The following SASH1 variants were observed in gnomAD, a reference collection of about 807,000 sequenced individuals.
SASH1 encodes the protein SAM and SH3 domain containing 1.
Under a neutral mutation model 125.2 loss-of-function variants are expected in SASH1, and 44 were observed. The observed-to-expected ratio is 0.35, with a 90% confidence interval of 0.28 to 0.45. The LOEUF (loss-of-function observed/expected upper bound fraction) is 0.45. SASH1 is among the 20% of genes least tolerant of loss of function. The probability of loss-of-function intolerance (pLI) is 1.00; values close to 1 mark genes in which losing one functional copy is unlikely to be tolerated. For synonymous variants in SASH1, 639 were observed against 649.1 expected, an observed-to-expected ratio of 0.98 and a Z score of 0.24; for missense variants, 1,426 against 1,614.5, an observed-to-expected ratio of 0.88 and a Z score of 2.00.
At chr6:148,525,485 C>A (rs1479985299) in intron 11 of SASH1, 120 bp downstream of exon 11, 4 of 827,962 alleles carry the variant, frequency 4.8e-6, no homozygotes, top group Non-Finnish European at 8.0e-6. Context: ...AATCCTGAGT[C>A]ACGTTTGGAA....
chr6:148,304,184 A>T (rs1780055394), intron 1 of SASH1, among the ~76,000 whole-genome samples: 1 of 152,176 alleles, frequency 6.6e-6, no homozygotes, highest in Admixed American at 6.5e-5. Flanking sequence ...CACGCCTGTA[A>T]TCCCAGCACT....
intron 2 of SASH1, among the ~76,000 whole-genome samples, chr6:148,422,565 T>G (rs1775613919): frequency 6.6e-6 from 1 of 152,244 alleles, no homozygotes; most frequent in Non-Finnish European, 1.5e-5. Context: ...TTTGCTGTAG[T>G]AACCATTACA....
chr6:148,501,585 C>T (rs932090693), intron 8 of SASH1, among the ~76,000 whole-genome samples: 1 of 152,188 alleles, frequency 6.6e-6, no homozygotes, highest in Non-Finnish European at 1.5e-5. Context: ...GATTACCTTC[C>T]CAACACTTTG....
In SASH1 at chr6:148,387,668, CTT is replaced by C. The variant is rs1783518323; in HGVS notation, c.157-2464_157-2463del. 9.6e-5 allele frequency among the ~76,000 whole-genome samples: 7 copies of C among 72,924 alleles called. No individual in the cohort carries two copies. The East Asian group carries it at 1.8e-3, about 18-fold the overall frequency. 47.8% of individuals were successfully genotyped at this position (72,924 alleles called of 152,430 possible). On this transcript the variant is annotated intron_variant, in intron 1 of 19. Coordinates refer to ENST00000367467, the MANE Select transcript of SASH1 (RefSeq NM_015278.5). ...TCTTTCTTTCTTTCTTTCTTTCTTTCTTTCTTTCTTTCTTTCTTTCTTTCGGC... is the reference window on the plus strand; with the variant it reads ...TCTTTCTTTCTTTCTTTCTTTCTTTCTCTTTCTTTCTTTCTTTCTTTCGGC...
chr6:148,244,908 G>A, the SASH1 span, among the ~76,000 whole-genome samples: 1 of 137,572 alleles, frequency 7.3e-6, no homozygotes, highest in Admixed American at 7.4e-5. Flanking sequence ...TGGGGCATGT[G>A]TGTGTGTGTG....
intron 7 of SASH1, among the ~76,000 whole-genome samples, chr6:148,487,246 G>T (rs1440140110): frequency 6.6e-6 from 1 of 151,278 alleles, no homozygotes; most frequent in African/African-American, 2.4e-5. Context: ...TAATTCAGAG[G>T]CCAAATTACA....
intron 1 of SASH1, among the ~76,000 whole-genome samples, chr6:148,352,233 C>T (rs148903521): frequency 6.6e-6 from 1 of 152,284 alleles, no homozygotes; most frequent in African/African-American, 2.4e-5. Context: ...TTCTGTACCT[C>T]AGTTTCCTTA....
intron 1 of SASH1, among the ~76,000 whole-genome samples, chr6:148,349,078 T>TC (rs1321637018): frequency 1.3e-5 from 2 of 151,838 alleles, no homozygotes. Flanking sequence ...GGTGGGCCCT[T>TC]CCCCACAGAG....
chr6:148,257,884 C>A, the SASH1 span, among the ~76,000 whole-genome samples: 1 of 152,272 alleles, frequency 6.6e-6, no homozygotes, highest in African/African-American at 2.4e-5. Context: ...CCACCTTGGC[C>A]TCCCAAAGTG....
chr6:148,543,681 C>T lies in SASH1; in HGVS notation c.2211C>T (p.Gly737=), dbSNP rs1785824387. The T allele has an allele frequency of 6.5e-7, 1 of 1,527,068 alleles. No homozygotes were observed. Among genetic ancestry groups the T allele is most frequent in the Non-Finnish European group, 8.8e-7 (1 of 1,138,358 alleles). The allele number at this position is 1,527,068 out of a possible 1,614,324, so 94.6% of individuals were successfully genotyped here. A position where few individuals can be genotyped will look rare whatever the true frequency, so the allele number is the denominator to read the frequency against. ...GTAAAATATTCCCTTGTCTCACAGG[C>T]AAGACTCGGAAAGCTAGCCTCCTAT... The part of the protein sequence containing the change: ...CYESSENLEN[G]KTRKASLLSA... The change falls in exon 18 of 20, where the codon GGC becomes GGT. Residue 737 remains glycine (G), a splice_region_variant and synonymous_variant. Transcript: ENST00000367467.
chr6:148,491,312 C>G (rs1779098210), intron 8 of SASH1, among the ~76,000 whole-genome samples: 1 of 152,188 alleles, frequency 6.6e-6, no homozygotes, highest in Non-Finnish European at 1.5e-5. Context: ...CTCCGTCGCT[C>G]AGGCTGGAGT....
the SASH1 span, among the ~76,000 whole-genome samples, chr6:148,266,767 A>AT: frequency 1.2e-4 from 18 of 148,404 alleles, no homozygotes; most frequent in Admixed American, 2.0e-4. Context: ...TGCCCAGCCA[A>AT]TTTTTTTTTA....
intron 2 of SASH1, among the ~76,000 whole-genome samples, chr6:148,425,943 G>A (rs969912392): frequency 5.3e-5 from 8 of 151,900 alleles, no homozygotes; most frequent in Admixed American, 1.3e-4. Context: ...GCGTGGTGGC[G>A]CATACCTGTA....
chr6:148,485,680 C>T (rs1778808144), intron 7 of SASH1, among the ~76,000 whole-genome samples: 2 of 152,162 alleles, frequency 1.3e-5, no homozygotes, highest in African/African-American at 4.8e-5. Context: ...ATAATCAATA[C>T]TGCCTACCTC....
At chr6:148,419,180 A>T (rs750185900) in intron 2 of SASH1, among the ~76,000 whole-genome samples, 5 of 152,250 alleles carry the variant, frequency 3.3e-5, no homozygotes, top group Non-Finnish European at 7.3e-5. Context: ...AAAATTTGGA[A>T]TATTCAAAGA....
chr6:148,302,820 GTATA>G (rs71031062), intron 1 of SASH1, among the ~76,000 whole-genome samples: 4,812 of 143,882 alleles, frequency 0.033, 252 homozygotes, highest in East Asian at 0.18. Flanking sequence ...GACCTCAGGA[GTATA>G]TATATATATA....
At chr6:148,319,227 G>T (rs1355738468) in intron 1 of SASH1, among the ~76,000 whole-genome samples, 1 of 150,918 alleles carries the variant, frequency 6.6e-6, no homozygotes, top group Non-Finnish European at 1.5e-5. Context: ...GTGGAGACGG[G>T]GTTTCACCGT....
At chr6:148,302,762 CTGTGTGTGTGTATATATATA>C (rs1380486955) in intron 1 of SASH1, among the ~76,000 whole-genome samples, 1 of 136,546 alleles carries the variant, frequency 7.3e-6, no homozygotes, top group Non-Finnish European at 1.6e-5. Flanking sequence ...TATTTATATA[CTGTGTGTGTGTATATATATA>C]TGTGTGTGTG....
chr6:148,485,956 T>C (rs1778820038), intron 7 of SASH1, among the ~76,000 whole-genome samples: 1 of 141,364 alleles, frequency 7.1e-6, no homozygotes, highest in African/African-American at 2.5e-5. Context: ...GCAGTGACAA[T>C]TGTTTTGAAC....
Sources: gnomAD v4.1 joint callset for allele counts (sites outside exome capture counted in the v4.1 genomes callset) on GRCh38, gnomAD v4.1.1 for gene constraint, MANE v1.5 for transcripts, NCBI Gene and HGNC (gene_info 2026-07-23, HGNC 2026-07-21) for gene names.